NCKAP1L: variants seen among roughly 807,000 people sequenced by gnomAD.
NCKAP1L encodes NCK associated protein 1 like.
In NCKAP1L, 53 loss-of-function variants were observed where a neutral mutation model predicts 139.2. The observed-to-expected ratio is 0.38, with a 90% CI of 0.31 to 0.48. NCKAP1L has a LOEUF of 0.48. Among genes scored for constraint, NCKAP1L ranks in the 20% least tolerant of loss-of-function variants. The pLI is 0.98. For synonymous variants in NCKAP1L, 468 were observed against 499.7 expected, an observed-to-expected ratio of 0.94 and a Z score of 0.85; for missense variants, 1,151 against 1,381.9, an observed-to-expected ratio of 0.83 and a Z score of 2.65.
intron 20 of NCKAP1L, among the ~76,000 whole-genome samples, chr12:54,526,115 T>C (rs1193038998): frequency 6.6e-6 from 1 of 152,182 alleles, no homozygotes; most frequent in African/African-American, 2.4e-5. Flanking sequence ...ACTAATTCTT[T>C]TCAAGGGGAA....
Position 54,531,564 on chromosome 12 carries a change from C to T in NCKAP1L, c.2678C>T (p.Ser893Phe), listed in dbSNP as rs755893654. The change falls in exon 24 of 31, where the codon TCC (serine) becomes TTC (phenylalanine). Residue 893 changes from serine to phenylalanine, a missense_variant. Coordinates refer to ENST00000293373, the MANE Select transcript of NCKAP1L (RefSeq NM_005337.5). ...TTTAGCAAGCCGGACTTGATGGCTTCCCTGCTGCCCCAGCTGACAGGTAAG... is the reference window on the plus strand; with the variant it reads ...TTTAGCAAGCCGGACTTGATGGCTTTCCTGCTGCCCCAGCTGACAGGTAAG... ...SNFSKPDLMA[S>F]LLPQLTGAEN... 6 of 1,614,064 alleles carry T rather than the reference C, an allele frequency of 3.7e-6. No homozygotes were observed. The highest frequency in any genetic ancestry group is 1.7e-5 in the Admixed American group (1 of 60,008).
intron 7 of NCKAP1L, chr12:54,510,576 T>A (rs529218790): frequency 1.4e-4 from 22 of 157,758 alleles, no homozygotes; most frequent in South Asian, 4.8e-4. Context: ...AGTGGCGTGA[T>A]CTTGGCTCAC....
At chr12:54,528,190 T>C in intron 21 of NCKAP1L, 57 bp from the exon 22 acceptor site, 1 of 1,586,092 alleles carries the variant, frequency 6.3e-7, no homozygotes, top group East Asian at 2.3e-5. Context: ...TAGTAGGGAA[T>C]GCTGGTAGGG....
intron 1 of NCKAP1L, 145 bp downstream of exon 1, chr12:54,498,036 T>C: frequency 1.7e-6 from 1 of 584,414 alleles, no homozygotes; most frequent in Middle Eastern, 2.7e-4. Flanking sequence ...ACTCAGATTA[T>C]ACAGGCCAGC....
At chr12:54,511,491 T>C (rs970628800) in intron 7 of NCKAP1L, among the ~76,000 whole-genome samples, 1 of 152,242 alleles carries the variant, frequency 6.6e-6, no homozygotes, top group Non-Finnish European at 1.5e-5. Context: ...ACTGCAGCCT[T>C]GACCTCTTGG....
chr12:54,506,808 T>TATATATATAC (rs1956844705), intron 3 of NCKAP1L, among the ~76,000 whole-genome samples: 1 of 134,588 alleles, frequency 7.4e-6, no homozygotes, highest in Non-Finnish European at 1.6e-5. Context: ...TATATATATA[T>TATATATATAC]ATATATATAT....
In NCKAP1L at chr12:54,509,856, T is replaced by A. The variant is rs1956873416; in HGVS notation, c.606T>A (p.Ser202Arg). 8 of 1,614,064 alleles carry A rather than the reference T, an allele frequency of 5.0e-6. No homozygotes were observed. The highest frequency in any genetic ancestry group is 1.1e-5 in the South Asian group (1 of 91,086). Residue 202 changes from serine to arginine, a missense_variant, in exon 7 of 31, where the codon AGT becomes AGA. Transcript: ENST00000293373. ...EEFGPHTKAV[S>R]GALLSLHFLF... The stretch of plus-strand genomic sequence containing the variant: ...TTTGCTTTTCCCCACAGGCTGTGAG[T>A]GGAGCCCTCCTCTCTTTGCATTTCC...
intron 3 of NCKAP1L, among the ~76,000 whole-genome samples, chr12:54,501,778 G>A (rs1956799783): frequency 6.6e-6 from 1 of 152,102 alleles, no homozygotes. Flanking sequence ...AGGCTGGACT[G>A]TGCCGGCCTA....
intron 9 of NCKAP1L, among the ~76,000 whole-genome samples, chr12:54,513,703 T>C (rs938681572): frequency 6.6e-6 from 1 of 152,144 alleles, no homozygotes; most frequent in African/African-American, 2.4e-5. Flanking sequence ...TTGTGAACAA[T>C]TTGAGTGGTG....
intron 26 of NCKAP1L, among the ~76,000 whole-genome samples, chr12:54,533,879 A>G (rs1957093952): frequency 6.6e-6 from 1 of 152,192 alleles, no homozygotes; most frequent in African/African-American, 2.4e-5. Context: ...AGTCTGTGGG[A>G]TTACTTGCAT....
intron 16 of NCKAP1L, 105 bp downstream of exon 16, chr12:54,519,437 T>A (rs1956963773): frequency 3.1e-6 from 3 of 977,930 alleles, no homozygotes; most frequent in Admixed American, 7.2e-5. Flanking sequence ...TAATTTTTTT[T>A]TTTTTTTTTT....
intron 27 of NCKAP1L, 105 bp from the exon 28 acceptor site, chr12:54,536,023 TC>T (rs762528582): frequency 7.6e-6 from 6 of 788,228 alleles, no homozygotes; most frequent in Non-Finnish European, 1.3e-5. Context: ...GGATATTTTC[TC>T]CTGCGATCCT....
intron 18 of NCKAP1L, among the ~76,000 whole-genome samples, chr12:54,521,886 ATGTGTGTGTGTGTGTG>A (rs34410189): frequency 1.4e-5 from 2 of 147,298 alleles, no homozygotes; most frequent in Admixed American, 6.8e-5. Flanking sequence ...GAGTGTGTGT[ATGTGTGTGTGTGTGTG>A]TGTGTGTGTG....
intron 20 of NCKAP1L, 126 bp downstream of exon 20, chr12:54,524,082 G>A (rs578126815): frequency 1.6e-5 from 16 of 995,334 alleles, no homozygotes; most frequent in South Asian, 1.1e-4. Flanking sequence ...CATGCCACAC[G>A]GTGGAGATTC....
At chr12:54,527,542 A>T (rs946298207) in intron 21 of NCKAP1L, among the ~76,000 whole-genome samples, 2 of 152,186 alleles carry the variant, frequency 1.3e-5, no homozygotes, top group African/African-American at 2.4e-5. Flanking sequence ...TTTATGTAAA[A>T]ATCTGTTTCA....
chr12:54,512,330 C>A (rs1194533522), intron 9 of NCKAP1L: 5 of 395,540 alleles, frequency 1.3e-5, no homozygotes, highest in Non-Finnish European at 2.3e-5. Context: ...GACTCTGAAA[C>A]TAGATTGCTT....
chr12:54,539,123 C>G (rs1043342807), intron 30 of NCKAP1L, 150 bp downstream of exon 30: 7 of 649,852 alleles, frequency 1.1e-5, no homozygotes, highest in African/African-American at 5.5e-5. Flanking sequence ...ATGTAGTCCT[C>G]ACATTCTGAT....
intron 29 of NCKAP1L, 70 bp from the exon 30 acceptor site, chr12:54,538,814 C>A: frequency 8.5e-7 from 1 of 1,179,010 alleles, no homozygotes; most frequent in Non-Finnish European, 1.3e-6. Flanking sequence ...CTTTTCTTAA[C>A]TTCCTGCAGC....
At chr12:54,520,970 G>A (rs1592345528) in intron 17 of NCKAP1L, 144 bp downstream of exon 17, 1 of 1,479,234 alleles carries the variant, frequency 6.8e-7, no homozygotes, top group East Asian at 2.3e-5. Flanking sequence ...TCAGCTTGAT[G>A]TATCCTGTCT....
Sources: allele counts gnomAD v4.1 joint callset (sites outside exome capture counted in the v4.1 genomes callset), GRCh38; gene constraint gnomAD v4.1.1; transcripts MANE v1.5; gene names NCBI Gene and HGNC (gene_info 2026-07-23, HGNC 2026-07-21).